The following TULP1 variants were observed in gnomAD, a reference collection of about 807,000 sequenced individuals.
TULP1 encodes TUB like protein 1.
In TULP1, 50 loss-of-function variants were observed where a neutral mutation model predicts 67.1. That is an observed-to-expected ratio of 0.75 (90% CI 0.59 to 0.94). The LOEUF (loss-of-function observed/expected upper bound fraction) is 0.94, where lower values mean the gene tolerates loss of function less well. Among genes scored for constraint, TULP1 ranks in the 40% least tolerant of loss-of-function variants. TULP1 has a pLI of 0.00. For synonymous variants in TULP1, 297 were observed against 294.0 expected, an observed-to-expected ratio of 1.01 and a Z score of -0.11; for missense variants, 746 against 734.1, an observed-to-expected ratio of 1.02 and a Z score of -0.19.
At chr6:35,501,870 A>G (rs7738710) in intron 13 of TULP1, among the ~76,000 whole-genome samples, 67,726 of 152,088 alleles carry the variant, frequency 0.45, 15,694 homozygotes, top group Admixed American at 0.57. Flanking sequence ...ACCCTGCTGT[A>G]GCTTCCCATT....
In TULP1 at chr6:35,509,741, T is replaced by G; in HGVS notation, c.611A>C (p.Glu204Ala). The change falls in exon 7 of 15, where the codon GAG becomes GCG. Residue 204 changes from glutamate to alanine, a missense_variant. Physicochemically the swap from Glu to Ala is moderately radical, Grantham distance 107. Around this residue, in one of 3 missense-constraint regions of TULP1, gnomAD observed 359 missense variants for 341.9 expected, o/e 1.05. Transcript: ENST00000229771. ...GCTCCCTGAGGGGTCCTTGTCGGCCTCCCCAGACCCTGCATGTGTGGATGT... is the reference window on the plus strand; with the variant it reads ...GCTCCCTGAGGGGTCCTTGTCGGCCGCCCCAGACCCTGCATGTGTGGATGT... ...MRKTKKKGSG[E>A]ADKDPSGSPA... is the part of the protein sequence containing the mutation. The G allele has an allele frequency of 6.2e-7, 1 of 1,614,036 alleles. No homozygotes were observed. The highest frequency in any genetic ancestry group is 1.1e-5 in the South Asian group (1 of 91,072).
At chr6:35,512,764 T>C in intron 1 of TULP1, 48 bp downstream of exon 1, 1 of 935,014 alleles carries the variant, frequency 1.1e-6, no homozygotes, top group Non-Finnish European at 1.6e-6. Context: ...CATCCCTCCA[T>C]CTAGGCCCCC....
chr6:35,502,598 A>G (rs745707570), intron 13 of TULP1, among the ~76,000 whole-genome samples: 7 of 151,822 alleles, frequency 4.6e-5, no homozygotes, highest in African/African-American at 1.5e-4. Context: ...GGTTCAAGCA[A>G]TACTCCCTGC....
At chr6:35,512,770 C>A (rs757880718) in intron 1 of TULP1, 42 bp downstream of exon 1, 1 of 1,428,102 alleles carries the variant, frequency 7.0e-7, no homozygotes, top group Non-Finnish European at 9.5e-7. Context: ...TCCATCTAGG[C>A]CCCCCAGGGT....
At position 35,503,334 on chromosome 6, in the gene TULP1, A is replaced by G. The variant is rs1419162941; in HGVS notation, c.1323+225T>C. ...GTGTGGTCAATGAAGATATGAATGG[A>G]TGTAATATATGAATTTGATGTAAAC... On this transcript the variant is annotated intron_variant, in intron 13 of 14. Coordinates refer to ENST00000229771, the MANE Select transcript of TULP1 (RefSeq NM_003322.6). The surrounding 1 kb of genome is among the most constrained non-coding windows in gnomAD (Gnocchi z 4.0). 1 of 572,870 alleles carries G rather than the reference A, an allele frequency of 1.7e-6. No individual in the cohort carries two copies. The highest frequency in any genetic ancestry group is 1.9e-5 in the African/African-American group (1 of 53,246). 35.5% of individuals were successfully genotyped at this position (572,870 alleles called of 1,614,324 possible).
chr6:35,510,924 G>A lies in TULP1; in HGVS notation c.436C>T (p.Pro146Ser). 1 of 1,613,694 alleles carries A rather than the reference G, an allele frequency of 6.2e-7. No homozygotes were observed. Among genetic ancestry groups the A allele is most frequent in the Non-Finnish European group, 8.5e-7 (1 of 1,179,984 alleles). Residue 146 changes from proline (P) to serine (S), a missense_variant, in exon 5 of 15, where the codon CCC becomes TCC. Pro to Ser is a moderately conservative substitution (Grantham distance 74). This residue lies in a region of TULP1 where 359 missense variants were observed against 341.9 expected (regional missense o/e 1.05). Coordinates refer to ENST00000229771, the MANE Select transcript of TULP1 (RefSeq NM_003322.6). ...KEKILLPPKK[P>S]LREKSSADLK... ...TCTGCGGAGCTCTTCTCTCTCAGGG[G>A]CTTCTTGGGAGGCAGAAGGATTTTC...
Position 35,512,236 on chromosome 6 carries a change from C to A in TULP1, c.134G>T (p.Arg45Met), listed in dbSNP as rs867611064. Residue 45 changes from arginine to methionine, a missense_variant, in exon 3 of 15, where the codon AGG (arginine) becomes ATG (methionine). By Grantham distance (91) the Arg-to-Met change is moderately conservative. Coordinates refer to ENST00000229771, the MANE Select transcript of TULP1 (RefSeq NM_003322.6). ...PAPAQRLRKKRTEAPESPCPT... is the reference protein window; with the variant it reads ...PAPAQRLRKKMTEAPESPCPT... ...GCAGGGGGATTCGGGGGCCTCCGTC[C>A]TCTTCTTCCTTAGCCTCTGTGCCGG... The A allele has an allele frequency of 7.2e-7, 1 of 1,383,042 alleles. No homozygotes were observed. The allele number at this position is 1,383,042 out of a possible 1,614,324, so 85.7% of individuals were successfully genotyped here.
rs1222447530 is a variant in TULP1, at chr6:35,498,908, C to T, written c.1496-448G>A. Among the ~76,000 whole-genome samples the T allele has an allele frequency of 6.6e-6, 1 of 152,202 alleles. No homozygotes were observed. Among genetic ancestry groups the T allele is most frequent in the African/African-American group, 2.4e-5 (1 of 41,438 alleles). On this transcript the variant is annotated intron_variant, in intron 14 of 14. Coordinates refer to ENST00000229771, the MANE Select transcript of TULP1 (RefSeq NM_003322.6). The surrounding 1 kb of genome is among the most constrained non-coding windows in gnomAD (Gnocchi z 6.7). ...CAGCCTCACTGGGCACCTCTCCCTT[C>T]AATGATCCAGGTTCCCAGCCCCAAC... is the stretch of plus-strand genomic sequence containing the variant.
At chr6:35,511,038 G>A (rs1561817931) in intron 4 of TULP1, 28 bp from the exon 5 acceptor site, 1 of 1,600,684 alleles carries the variant, frequency 6.2e-7, no homozygotes. Context: ...TCATAATGGG[G>A]GTTTGAGCCG....
chr6:35,512,353 G>A, intron 2 of TULP1, 83 bp from the exon 3 acceptor site: 1 of 782,616 alleles, frequency 1.3e-6, no homozygotes. Flanking sequence ...CCCTTGAGCC[G>A]CCAGAAATAA....
chr6:35,503,899 G>T lies in TULP1; in HGVS notation c.1113-51C>A. The T allele has an allele frequency of 2.1e-6, 3 of 1,407,378 alleles. No homozygotes were observed. The highest frequency in any genetic ancestry group is 2.9e-6 in the Non-Finnish European group (3 of 1,023,016). The allele number at this position is 1,407,378 out of a possible 1,614,324, so 87.2% of individuals were successfully genotyped here. On this transcript the variant is annotated intron_variant, in intron 11 of 14. Transcript: ENST00000229771. This position sits in a 1 kb window ranked among gnomAD's most constrained non-coding sequence, Gnocchi z 4.0. ...GGGGCTGAGGGGATCCTACATCCCT[G>T]CCCCAGGCCCCTTCCACACAGCCAA...
rs148749577 is a variant in TULP1, at chr6:35,503,828, C to T, written c.1133G>A (p.Arg378His). The change falls in exon 12 of 15, where the codon CGC (arginine) becomes CAC (histidine). Residue 378 changes from arginine (R) to histidine (H), a missense_variant. Arg to His is a conservative substitution (Grantham distance 29, BLOSUM62 0). This residue lies in a region of TULP1 where 383 missense variants were observed against 374.1 expected (regional missense o/e 1.02). Transcript: ENST00000229771. This position sits in a 1 kb window ranked among gnomAD's most constrained non-coding sequence, Gnocchi z 4.0. ...CTGCCCGTTGTCAAAGACCGTGAAG[C>T]GGTTCCCCAGGAGGTTGGACCTGCA... ...GKLRSNLLGN[R>H]FTVFDNGQNP... is the part of the protein sequence containing the mutation. 1.8e-4 allele frequency: 291 copies of T among 1,610,642 alleles called. No homozygotes were observed. Among genetic ancestry groups the T allele is most frequent in the Non-Finnish European group, 2.3e-4 (272 of 1,179,540 alleles).
At chr6:35,504,439 T>C (rs1226604435) in intron 11 of TULP1, among the ~76,000 whole-genome samples, 1 of 152,214 alleles carries the variant, frequency 6.6e-6, no homozygotes, top group Non-Finnish European at 1.5e-5. Context: ...TGTGAGATCT[T>C]AGGCAAGGTA....
At position 35,511,697 on chromosome 6, in the gene TULP1, G is replaced by A; in HGVS notation, c.300C>T (p.Arg100=). ...RFLRDPEAKK[R]DPRETFLVAR... Reference sequence around the variant, plus strand: ...CTACCAGAAAGGTTTCCCGGGGGTCGCGCTTCTTGGCCTCGGGGTCCCTGA... The same window carrying A: ...CTACCAGAAAGGTTTCCCGGGGGTCACGCTTCTTGGCCTCGGGGTCCCTGA... The change falls in exon 4 of 15, where the codon CGC becomes CGT. Residue 100 remains arginine, a synonymous_variant. Coordinates refer to ENST00000229771, the MANE Select transcript of TULP1 (RefSeq NM_003322.6). The A allele has an allele frequency of 6.3e-7, 1 of 1,593,162 alleles. No homozygotes were observed. The highest frequency in any genetic ancestry group is 2.3e-5 in the East Asian group (1 of 43,896).
rs1398566369 is a variant in TULP1, at chr6:35,512,649, C to T, written c.89G>A (p.Arg30His). The change falls in exon 2 of 15, where the codon CGC becomes CAC. Residue 30 changes from arginine (R) to histidine (H), a missense_variant. By Grantham distance (29) the Arg-to-His change is conservative. Transcript: ENST00000229771. Reference sequence around the variant, plus strand: ...AGTGGGGTGGCATACCTGTTTGGGGCGCCGCGGGGCCTCCGGGCTCAGGCT... The same window carrying T: ...AGTGGGGTGGCATACCTGTTTGGGGTGCCGCGGGGCCTCCGGGCTCAGGCT... Reference protein sequence around the residue: ...EESLSPEAPRRPKQRPAPAQR... With the variant: ...EESLSPEAPRHPKQRPAPAQR... 5 of 1,613,688 alleles carry T rather than the reference C, an allele frequency of 3.1e-6. No individual in the cohort carries two copies. Among genetic ancestry groups the T allele is most frequent in the Admixed American group, 3.3e-5 (2 of 59,976 alleles).
At chr6:35,509,538 T>C in intron 7 of TULP1, 96 bp downstream of exon 7, 1 of 1,321,166 alleles carries the variant, frequency 7.6e-7, no homozygotes. Context: ...GCAAACTCCT[T>C]ACCTAGCACT....
chr6:35,503,849 C>G lies in TULP1; in HGVS notation c.1113-1G>C, dbSNP rs778756586. On this transcript the variant is annotated splice_acceptor_variant, in intron 11 of 14. Transcript: ENST00000229771. LOFTEE classifies it high-confidence loss of function. This position sits in a 1 kb window ranked among gnomAD's most constrained non-coding sequence, Gnocchi z 4.0. Reference sequence around the variant, plus strand: ...GAAGCGGTTCCCCAGGAGGTTGGACCTGCAAGCAGGGTAGAGCTTGGGGTG... The same window carrying G: ...GAAGCGGTTCCCCAGGAGGTTGGACGTGCAAGCAGGGTAGAGCTTGGGGTG... The G allele has an allele frequency of 6.2e-7, 1 of 1,605,310 alleles. No homozygotes were observed. Among genetic ancestry groups the G allele is most frequent in the South Asian group, 1.1e-5 (1 of 90,302 alleles).
intron 5 of TULP1, 66 bp from the exon 6 acceptor site, chr6:35,509,994 CCTCTTGT>C (rs1761164859): frequency 6.8e-7 from 1 of 1,480,314 alleles, no homozygotes; most frequent in Non-Finnish European, 9.4e-7. Flanking sequence ...GCCTTCCAAC[CCTCTTGT>C]CCTGCCTATA....
intron 8 of TULP1, among the ~76,000 whole-genome samples, chr6:35,508,805 G>T (rs1405900737): frequency 6.6e-6 from 1 of 152,148 alleles, no homozygotes; most frequent in Non-Finnish European, 1.5e-5. Context: ...CGCCTGGGGA[G>T]CTCAGGGCTG....
Sources: gnomAD v4.1 joint callset for allele counts (sites outside exome capture counted in the v4.1 genomes callset) on GRCh38, gnomAD v4.1.1 for gene constraint, gnomAD v4.1.1 regional missense constraint, Gnocchi (gnomAD v3.1) non-coding constraint, MANE v1.5 for transcripts, NCBI Gene and HGNC (gene_info 2026-07-23, HGNC 2026-07-21) for gene names.